The following EXOC3 variants were observed in gnomAD, a reference collection of about 807,000 sequenced individuals.
The protein encoded by EXOC3 is exocyst complex component 3.
In EXOC3, 21 loss-of-function variants were observed where a neutral mutation model predicts 73.7. That is an observed-to-expected ratio of 0.29 (90% confidence interval 0.20 to 0.41). The LOEUF (loss-of-function observed/expected upper bound fraction) is 0.41. Ranked by LOEUF, EXOC3 falls within the 10% of genes least tolerant of loss-of-function variation. EXOC3 has a pLI of 1.00. For missense variants in EXOC3, 842 were observed against 985.1 expected (o/e 0.85, Z 1.95); for synonymous variants, 410 against 389.1 (o/e 1.05, Z -0.63).
intron 7 of EXOC3, among the ~76,000 whole-genome samples, chr5:460,782 A>G (rs761632667): frequency 9.9e-5 from 15 of 152,196 alleles, no homozygotes; most frequent in Non-Finnish European, 1.9e-4. Flanking sequence ...TTTGGAGGTC[A>G]TTGTCATTTA....
At chr5:463,882 A>G (rs1385759829) in intron 9 of EXOC3, among the ~76,000 whole-genome samples, 2 of 152,280 alleles carry the variant, frequency 1.3e-5, no homozygotes, top group Admixed American at 1.3e-4. Context: ...AAATGTATAC[A>G]TGCACAGATA....
chr5:452,117 G>A (rs138252774), intron 3 of EXOC3, among the ~76,000 whole-genome samples: 4 of 152,244 alleles, frequency 2.6e-5, no homozygotes, highest in African/African-American at 7.2e-5. Flanking sequence ...TTCAAATAAT[G>A]TCTTGCCCAT....
intron 10 of EXOC3, chr5:464,717 G>A (rs542802508): frequency 2.7e-5 from 11 of 402,582 alleles, no homozygotes; most frequent in South Asian, 2.5e-4. Context: ...ATTTCTTTCC[G>A]CTTCAGACCC....
At chr5:461,572 C>T in intron 7 of EXOC3, 1 of 190,236 alleles carries the variant, frequency 5.3e-6, no homozygotes, top group Non-Finnish European at 1.1e-5. Context: ...AAGGTCTCAC[C>T]ACTGCACTCC....
chr5:445,190 T>C (rs1737470128), intron 1 of EXOC3: 1 of 152,182 alleles, frequency 6.6e-6, no homozygotes, highest in African/African-American at 2.4e-5. Context: ...AGGAGGACGA[T>C]GGTGGAGGGA....
chr5:447,323 ATTG>A, intron 2 of EXOC3: 1 of 551,894 alleles, frequency 1.8e-6, no homozygotes, highest in East Asian at 3.0e-5. Flanking sequence ...AAAATGCATC[ATTG>A]TTCTGTTCCC....
intron 11 of EXOC3, among the ~76,000 whole-genome samples, 168 bp downstream of exon 11, chr5:465,440 C>CAG (rs769112880): frequency 6.6e-6 from 1 of 152,240 alleles, no homozygotes; most frequent in Non-Finnish European, 1.5e-5. Flanking sequence ...CGAATGTCCA[C>CAG]AGAGGTAGAC....
chr5:445,544 C>A (rs1385584320), intron 1 of EXOC3, among the ~76,000 whole-genome samples: 1 of 152,136 alleles, frequency 6.6e-6, no homozygotes, highest in African/African-American at 2.4e-5. Flanking sequence ...TTAGTAGATA[C>A]AGGGTTTCAC....
rs1301108475 is a variant in EXOC3 at position 465,289 on chromosome 5, T to C, written c.1938+17T>C. ...CTGGCGTCCGTGAGTGTCGCGCAGG[T>C]CCGGGCTGGAGAAGGCCTGTCGCTC... On this transcript the variant is annotated intron_variant, in intron 11 of 12. Transcript: ENST00000512944. 5.7e-6 allele frequency: 9 copies of C among 1,567,158 alleles called. No individual in the cohort carries two copies. The Admixed American group carries it at 1.3e-4, about 23-fold the overall frequency.
chr5:463,563 G>C (rs75887537), intron 9 of EXOC3, among the ~76,000 whole-genome samples: 3,153 of 152,312 alleles, frequency 0.021, 112 homozygotes, highest in African/African-American at 0.069. Context: ...GGCCTGAACT[G>C]GGTTGGGTTT....
At position 443,791 on chromosome 5, in the gene EXOC3, T is replaced by A. The variant is rs568393321; in HGVS notation, c.-57+501T>A. ...GCACAAGTGTACTTCCTGGTGCAGGTGTCCTCTTGACGGTGTCCCCCCCCA... is the reference window on the plus strand; with the variant it reads ...GCACAAGTGTACTTCCTGGTGCAGGAGTCCTCTTGACGGTGTCCCCCCCCA... On this transcript the variant is annotated intron_variant, in intron 1 of 12. Transcript: ENST00000512944. Among the ~76,000 whole-genome samples, 4 of 147,844 alleles carry A rather than the reference T, an allele frequency of 2.7e-5. No homozygotes were observed. The East Asian group carries it at 8.0e-4, about 30-fold the overall frequency.
Position 467,081 on chromosome 5 carries a change from C to T in EXOC3, c.*183C>T. 3.2e-6 allele frequency: 2 copies of T among 619,834 alleles called. No homozygotes were observed. Among genetic ancestry groups the T allele is most frequent in the Non-Finnish European group, 5.6e-6 (2 of 356,328 alleles). The allele number at this position is 619,834 out of a possible 1,614,324, so 38.4% of individuals were successfully genotyped here. A position where few individuals can be genotyped will look rare whatever the true frequency, so the allele number is the denominator to read the frequency against. On this transcript the variant is annotated 3_prime_UTR_variant, in exon 13 of 13. Transcript: ENST00000512944. ...CGTCCCGAGGCCACGTGCGGAGGCC[C>T]CTCACTGTGCTGTCAAAGGCCTGTG...
In EXOC3 at chr5:465,290, C is replaced by T; in HGVS notation, c.1938+18C>T. On this transcript the variant is annotated intron_variant, in intron 11 of 12. Transcript: ENST00000512944. ...TGGCGTCCGTGAGTGTCGCGCAGGT[C>T]CGGGCTGGAGAAGGCCTGTCGCTCC... 1 of 1,566,744 alleles carries T rather than the reference C, an allele frequency of 6.4e-7. No homozygotes were observed. Among genetic ancestry groups the T allele is most frequent in the South Asian group, 1.2e-5 (1 of 85,146 alleles).
At chr5:457,867 C>T (rs1579740768) in intron 5 of EXOC3, 33 bp from the exon 6 acceptor site, 3 of 1,586,450 alleles carry the variant, frequency 1.9e-6, no homozygotes. Context: ...GCTCTTCTCT[C>T]TTCTCTTCTC....
chr5:454,077 G>T (rs765348490), intron 4 of EXOC3, 26 bp downstream of exon 4: 1 of 1,552,130 alleles, frequency 6.4e-7, no homozygotes, highest in Admixed American at 1.9e-5. Context: ...CGCCTGTGTT[G>T]GCTCTTAGGT....
At position 454,030 on chromosome 5, in the gene EXOC3, G is replaced by T; in HGVS notation, c.1025G>T (p.Trp342Leu). 6.2e-7 allele frequency: 1 copy of T among 1,608,912 alleles called. No individual in the cohort carries two copies. The highest frequency in any genetic ancestry group is 2.2e-5 in the East Asian group (1 of 44,716). The change falls in exon 4 of 13, where the codon TGG (tryptophan) becomes TTG (leucine). Residue 342 changes from tryptophan to leucine, a missense_variant. Transcript: ENST00000512944. ...EANEIVSLLT[W>L]VLNTYTSTEM... is the part of the protein sequence containing the mutation. Reference sequence around the variant, plus strand: ...AATGAGATCGTGAGCCTCTTGACGTGGGTCTTAAACACCTACACAAGGTAA... The same window carrying T: ...AATGAGATCGTGAGCCTCTTGACGTTGGTCTTAAACACCTACACAAGGTAA...
At chr5:466,079 G>A (rs1313229890) in intron 12 of EXOC3, 3 of 397,432 alleles carry the variant, frequency 7.5e-6, no homozygotes, top group Non-Finnish European at 1.4e-5. Context: ...GGCACATCCC[G>A]GGTGGGGACA....
chr5:459,593 GTT>G, intron 7 of EXOC3, 134 bp downstream of exon 7: 1 of 531,550 alleles, frequency 1.9e-6, no homozygotes, highest in East Asian at 3.1e-5. Flanking sequence ...TCACTCCTGT[GTT>G]CTTCAAAAGC....
intron 10 of EXOC3, 113 bp downstream of exon 10, chr5:464,525 T>C: frequency 8.2e-7 from 1 of 1,225,388 alleles, no homozygotes; most frequent in Non-Finnish European, 1.2e-6. Flanking sequence ...TCACTTGTTG[T>C]CCTATCAGCC....
Sources: allele counts gnomAD v4.1 joint callset (sites outside exome capture counted in the v4.1 genomes callset), GRCh38; gene constraint gnomAD v4.1.1; transcripts MANE v1.5; gene names NCBI Gene and HGNC (gene_info 2026-07-23, HGNC 2026-07-21).